The following SLC35F1 variants were observed in gnomAD, a reference collection of about 807,000 sequenced individuals.
SLC35F1 encodes the protein chromosome 6 open reading frame 169.
A neutral mutation model predicts 48.7 loss-of-function variants in SLC35F1; 14 were observed. The observed-to-expected ratio is 0.29, with a 90% CI of 0.19 to 0.45. SLC35F1 has a LOEUF of 0.45. Ranked by LOEUF, SLC35F1 falls within the 20% of genes least tolerant of loss-of-function variation. The pLI, the probability that SLC35F1 is intolerant of heterozygous loss-of-function variation, is 1.00. For missense variants in SLC35F1, 404 were observed against 500.0 expected (o/e 0.81, Z 1.83); for synonymous variants, 190 against 202.2 (o/e 0.94, Z 0.51).
intron 1 of SLC35F1, among the ~76,000 whole-genome samples, chr6:117,945,564 A>G (rs1032916420): frequency 2.0e-5 from 3 of 152,182 alleles, no homozygotes; most frequent in Non-Finnish European, 4.4e-5. Context: ...TATTTTAGAG[A>G]GAGTTGCAAG....
chr6:118,164,514 C>CT (rs776519818), intron 2 of SLC35F1, among the ~76,000 whole-genome samples: 4 of 152,120 alleles, frequency 2.6e-5, no homozygotes, highest in Non-Finnish European at 5.9e-5. Flanking sequence ...TATAATTTGT[C>CT]TGTGCTGTAT....
intron 3 of SLC35F1, among the ~76,000 whole-genome samples, chr6:118,250,039 T>C (rs548485597): frequency 6.6e-6 from 1 of 152,322 alleles, no homozygotes; most frequent in South Asian, 2.1e-4. Flanking sequence ...TTCAGAGTAA[T>C]AGAAATTATT....
At chr6:118,292,711 T>G (rs1181282449) in intron 7 of SLC35F1, among the ~76,000 whole-genome samples, 1 of 150,846 alleles carries the variant, frequency 6.6e-6, no homozygotes, top group Non-Finnish European at 1.5e-5. Context: ...CACTTTCCAC[T>G]CTTGGAAAAA....
chr6:117,944,586 T>TAC (rs373551582), intron 1 of SLC35F1, among the ~76,000 whole-genome samples: 34,058 of 145,960 alleles, frequency 0.23, 3,901 homozygotes, highest in South Asian at 0.35. Context: ...AACACACACA[T>TAC]ACACATACAC....
intron 2 of SLC35F1, among the ~76,000 whole-genome samples, chr6:118,168,677 C>A (rs1349353434): frequency 6.6e-6 from 1 of 152,124 alleles, no homozygotes; most frequent in Non-Finnish European, 1.5e-5. Context: ...TGGTCTACAG[C>A]AACTGACTTC....
chr6:118,289,651 C>T (rs1487556525), intron 7 of SLC35F1, among the ~76,000 whole-genome samples: 1 of 151,874 alleles, frequency 6.6e-6, no homozygotes, highest in Non-Finnish European at 1.5e-5. Flanking sequence ...TATATGTTTC[C>T]ATATCATTTA....
At chr6:118,069,872 C>T (rs1343079359) in intron 1 of SLC35F1, among the ~76,000 whole-genome samples, 1 of 151,576 alleles carries the variant, frequency 6.6e-6, no homozygotes, top group African/African-American at 2.4e-5. Context: ...CGCGGTGGCT[C>T]ACGCCTGTAA....
intron 1 of SLC35F1, among the ~76,000 whole-genome samples, chr6:117,933,369 A>G (rs977995600): frequency 2.0e-5 from 3 of 152,190 alleles, no homozygotes; most frequent in Admixed American, 6.5e-5. Flanking sequence ...CTTTAAAACA[A>G]CACACTTAAG....
chr6:118,035,790 T>G (rs1416286119), intron 1 of SLC35F1, among the ~76,000 whole-genome samples: 2 of 143,624 alleles, frequency 1.4e-5, no homozygotes, highest in African/African-American at 5.2e-5. Flanking sequence ...CCCAGGTTCA[T>G]GCCATTCTCC....
chr6:118,279,150 G>T (rs1040740673), intron 6 of SLC35F1, among the ~76,000 whole-genome samples: 3 of 152,202 alleles, frequency 2.0e-5, no homozygotes, highest in African/African-American at 4.8e-5. Flanking sequence ...AGCTAGAAGA[G>T]ATTTAGAATG....
At chr6:118,119,282 A>G (rs889961593) in intron 1 of SLC35F1, among the ~76,000 whole-genome samples, 1 of 152,194 alleles carries the variant, frequency 6.6e-6, no homozygotes, top group Non-Finnish European at 1.5e-5. Context: ...AGAGATGTAT[A>G]TATTATTGGC....
chr6:118,035,093 T>C (rs1772107119), intron 1 of SLC35F1, among the ~76,000 whole-genome samples: 1 of 152,248 alleles, frequency 6.6e-6, no homozygotes, highest in Non-Finnish European at 1.5e-5. Context: ...CTGTTTCTTC[T>C]TGTGTCAATT....
chr6:118,303,764 C>G (rs1304124463), intron 7 of SLC35F1, among the ~76,000 whole-genome samples: 1 of 152,200 alleles, frequency 6.6e-6, no homozygotes, highest in Non-Finnish European at 1.5e-5. Context: ...TAAGAGAGAG[C>G]AAGCTCTCTG....
At chr6:118,225,717 CA>C (rs1297643908) in intron 2 of SLC35F1, among the ~76,000 whole-genome samples, 1 of 19,610 alleles carries the variant, frequency 5.1e-5, no homozygotes, top group African/African-American at 1.5e-4. Flanking sequence ...ACTAAAAATA[CA>C]AAAAAAATTT....
intron 1 of SLC35F1, among the ~76,000 whole-genome samples, chr6:118,036,518 T>A (rs1318205770): frequency 6.6e-6 from 1 of 152,138 alleles, no homozygotes; most frequent in African/African-American, 2.4e-5. Flanking sequence ...GTCAATTAGA[T>A]CAAGTTGGTT....
At chr6:117,945,754 G>A (rs1776287808) in intron 1 of SLC35F1, among the ~76,000 whole-genome samples, 1 of 152,186 alleles carries the variant, frequency 6.6e-6, no homozygotes, top group Non-Finnish European at 1.5e-5. Flanking sequence ...CAGGATTGAA[G>A]GGAAACCCTT....
intron 7 of SLC35F1, among the ~76,000 whole-genome samples, chr6:118,312,975 T>TAG (rs1358794749): frequency 1.3e-5 from 2 of 152,204 alleles, no homozygotes; most frequent in African/African-American, 4.8e-5. Flanking sequence ...TATTAACTAT[T>TAG]GACTGAAATG....
chr6:118,253,398 C>T (rs1222718679), intron 3 of SLC35F1, among the ~76,000 whole-genome samples: 2 of 152,038 alleles, frequency 1.3e-5, no homozygotes, highest in African/African-American at 4.8e-5. Context: ...CCATTTTGAT[C>T]GTGTTTGGGG....
chr6:118,078,227 C>T (rs903016805), intron 1 of SLC35F1, among the ~76,000 whole-genome samples: 8 of 152,134 alleles, frequency 5.3e-5, no homozygotes, highest in South Asian at 2.1e-4. Context: ...GCAAAAAGTA[C>T]GTTCCCACAT....
Sources: allele counts gnomAD v4.1 joint callset (sites outside exome capture counted in the v4.1 genomes callset), GRCh38; gene constraint gnomAD v4.1.1; transcripts MANE v1.5; gene names NCBI Gene and HGNC (gene_info 2026-07-23, HGNC 2026-07-21).